Variants in KNDC1 observed in about 807,000 individuals in gnomAD.
KNDC1 encodes the protein kinase non-catalytic C-lobe domain containing 1, also known as kinase non-catalytic C-lobe domain-containing protein 1.
Under a neutral mutation model 172.8 loss-of-function variants are expected in KNDC1, and 106 were observed. The ratio of observed to expected loss-of-function variants is 0.61; its 90% confidence interval spans 0.52 to 0.72. The LOEUF is 0.72. Among genes scored for constraint, KNDC1 ranks in the 30% least tolerant of loss-of-function variants. KNDC1 has a pLI of 0.00. For synonymous variants in KNDC1, 1,083 were observed against 1,062.2 expected (o/e 1.02, Z -0.38); for missense variants, 2,325 against 2,394.5 (o/e 0.97, Z 0.61).
At chr10:133,170,645 T>C (rs1345969497) in intron 3 of KNDC1, among the ~76,000 whole-genome samples, 2 of 152,236 alleles carry the variant, frequency 1.3e-5, no homozygotes, top group African/African-American at 4.8e-5. Context: ...CATTTAAAAA[T>C]CACAATACCC....
chr10:133,184,502 C>T (rs1210654494), intron 5 of KNDC1, among the ~76,000 whole-genome samples: 1 of 152,262 alleles, frequency 6.6e-6, no homozygotes, highest in Non-Finnish European at 1.5e-5. Context: ...GTGCCTCGTA[C>T]ACACATATTC....
intron 3 of KNDC1, among the ~76,000 whole-genome samples, chr10:133,180,295 T>C (rs960350591): frequency 2.2e-4 from 34 of 152,220 alleles, no homozygotes; most frequent in Admixed American, 2.2e-3. Context: ...GCTCCCTGCA[T>C]CGGTGCAAGG....
At chr10:133,183,161 G>A (rs1054187524) in intron 3 of KNDC1, among the ~76,000 whole-genome samples, 183 bp from the exon 4 acceptor site, 3 of 150,538 alleles carry the variant, frequency 2.0e-5, no homozygotes, top group Admixed American at 6.6e-5. Flanking sequence ...CGCGGGCGGC[G>A]AGGGTGCCAG....
Position 133,219,047 on chromosome 10 carries a change from C to T in KNDC1, c.4817C>T (p.Pro1606Leu). 1.2e-6 allele frequency: 2 copies of T among 1,614,016 alleles called. No individual in the cohort carries two copies. Among genetic ancestry groups the T allele is most frequent in the East Asian group, 2.2e-5 (1 of 44,878 alleles). The change falls in exon 28 of 30, where the codon CCT becomes CTT. Residue 1606 changes from proline to leucine, a missense_variant. Coordinates refer to ENST00000304613, the MANE Select transcript of KNDC1 (RefSeq NM_152643.8). Reference protein sequence around the residue: ...VRQSPAWRILPAKIAEVMEEL... With the variant: ...VRQSPAWRILLAKIAEVMEEL... ...TCATTTCAGGCCTGGAGAATTCTGC[C>T]TGCAAAGATAGCAGAGGTCATGGAG...
chr10:133,166,939 TGTGAGTGTC>T (rs1331972714), intron 1 of KNDC1, among the ~76,000 whole-genome samples: 1 of 152,192 alleles, frequency 6.6e-6, no homozygotes, highest in Admixed American at 6.5e-5. Context: ...TTGTAAGTCA[TGTGAGTGTC>T]AGGATCACGC....
In KNDC1 at chr10:133,224,180, G is replaced by A. The variant is rs1260836455; in HGVS notation, c.5019-479G>A. On this transcript the variant is annotated intron_variant, in intron 29 of 29. Transcript: ENST00000304613. This position sits in a 1 kb window ranked among gnomAD's most constrained non-coding sequence, Gnocchi z 5.4. ...TCAGTGTCCCCAGGCCTGGCTGAGG[G>A]CTCCTGCTCGTGACTGGCCAGCTTT... Among the ~76,000 whole-genome samples, 6 of 152,226 alleles carry A rather than the reference G, an allele frequency of 3.9e-5. No homozygotes were observed. The highest frequency in any genetic ancestry group is 1.2e-4 in the African/African-American group (5 of 41,444).
At chr10:133,197,366 C>T (rs772913660) in intron 11 of KNDC1, among the ~76,000 whole-genome samples, 12 of 152,144 alleles carry the variant, frequency 7.9e-5, no homozygotes, top group Non-Finnish European at 1.8e-4. Flanking sequence ...GTCCCAAGGA[C>T]GGCGGCCCAG....
chr10:133,195,675 T>G lies in KNDC1; in HGVS notation c.1588T>G (p.Cys530Gly), dbSNP rs1854169156. Residue 530 changes from cysteine to glycine, a missense_variant, in exon 10 of 30, where the codon TGT becomes GGT. Physicochemically the swap from Cys to Gly is radical, Grantham distance 159. Coordinates refer to ENST00000304613, the MANE Select transcript of KNDC1 (RefSeq NM_152643.8). ...CCCACCCGCCCAGGCCTCTGTGTACTGTGTGGCCGCCGTTCTGTGGACCGC... is the reference window on the plus strand; with the variant it reads ...CCCACCCGCCCAGGCCTCTGTGTACGGTGTGGCCGCCGTTCTGTGGACCGC... ...RLVTEKASVYCVAAVLWTAAK... is the reference protein window; with the variant it reads ...RLVTEKASVYGVAAVLWTAAK... 1.2e-6 allele frequency: 2 copies of G among 1,609,864 alleles called. No homozygotes were observed. Among genetic ancestry groups the G allele is most frequent in the Non-Finnish European group, 1.7e-6 (2 of 1,178,404 alleles).
intron 26 of KNDC1, among the ~76,000 whole-genome samples, chr10:133,216,231 G>A (rs1055786835): frequency 6.6e-6 from 1 of 152,058 alleles, no homozygotes; most frequent in African/African-American, 2.4e-5. Context: ...AGACACAAGG[G>A]CAGGAAGAAA....
chr10:133,172,507 C>T (rs756051497), intron 3 of KNDC1, among the ~76,000 whole-genome samples: 1 of 152,106 alleles, frequency 6.6e-6, no homozygotes, highest in Non-Finnish European at 1.5e-5. Context: ...AGTGGACTGG[C>T]GATTTCCCAT....
At chr10:133,213,874 G>GA in intron 25 of KNDC1, 98 bp from the exon 26 acceptor site, 1 of 1,527,106 alleles carries the variant, frequency 6.5e-7, no homozygotes, top group South Asian at 1.1e-5. Flanking sequence ...GAGCGGCCTC[G>GA]TGGCCCGACC....
chr10:133,184,020 T>TCTTA, intron 5 of KNDC1, 31 bp downstream of exon 5: 1 of 1,325,670 alleles, frequency 7.5e-7, no homozygotes, highest in Non-Finnish European at 1.1e-6. Flanking sequence ...ACGTGCATCC[T>TCTTA]CATGCACATA....
chr10:133,205,179 G>A (rs2998129), intron 17 of KNDC1, among the ~76,000 whole-genome samples: 75,512 of 152,096 alleles, frequency 0.5, 18,869 homozygotes, highest in East Asian at 0.62. Flanking sequence ...CTCTACGCCC[G>A]TGTGCCTGTC....
intron 5 of KNDC1, among the ~76,000 whole-genome samples, chr10:133,184,320 GCA>G (rs983381030): frequency 5.9e-5 from 8 of 135,664 alleles, no homozygotes; most frequent in African/African-American, 8.5e-5. Flanking sequence ...CACAACCCAT[GCA>G]CACACACCTA....
chr10:133,199,536 A>G lies in KNDC1; in HGVS notation c.2837A>G (p.Tyr946Cys), dbSNP rs750106953. ...GAISEKFCDL[Y>C]WDEKLLQNLF... Reference sequence around the variant, plus strand: ...ATTTCCGAGAAGTTCTGTGACCTGTACTGGGATGAGAAGTTGCTGCAGAAC... The same window carrying G: ...ATTTCCGAGAAGTTCTGTGACCTGTGCTGGGATGAGAAGTTGCTGCAGAAC... The change falls in exon 15 of 30, where the codon TAC becomes TGC. Residue 946 changes from tyrosine (Y) to cysteine (C), a missense_variant. Physicochemically the swap from Tyr to Cys is radical, Grantham distance 194. Transcript: ENST00000304613. 6.2e-7 allele frequency: 1 copy of G among 1,613,752 alleles called. No individual in the cohort carries two copies. Among genetic ancestry groups the G allele is most frequent in the Admixed American group, 1.7e-5 (1 of 60,002 alleles).
intron 4 of KNDC1, 48 bp downstream of exon 4, chr10:133,183,538 C>A: frequency 2.6e-6 from 4 of 1,538,386 alleles, no homozygotes; most frequent in Admixed American, 1.9e-5. Flanking sequence ...CCTGACCCCA[C>A]AGGCCTGGAC....
At chr10:133,179,344 CG>C (rs1367409289) in intron 3 of KNDC1, 1 of 152,180 alleles carries the variant, frequency 6.6e-6, no homozygotes, top group Non-Finnish European at 1.5e-5. Context: ...TCCTGAGGCC[CG>C]GGCTGTGGTG....
chr10:133,187,607 C>A (rs1853956462), intron 6 of KNDC1, among the ~76,000 whole-genome samples: 1 of 152,188 alleles, frequency 6.6e-6, no homozygotes, highest in Admixed American at 6.5e-5. Flanking sequence ...TTCCCACGCA[C>A]AACAGCCTAC....
intron 29 of KNDC1, among the ~76,000 whole-genome samples, chr10:133,221,549 A>C (rs1409941804): frequency 6.6e-6 from 1 of 151,972 alleles, no homozygotes; most frequent in African/African-American, 2.4e-5. Flanking sequence ...GCCGTTGTCC[A>C]CACACGGTCA....
Sources: allele counts gnomAD v4.1 joint callset (sites outside exome capture counted in the v4.1 genomes callset), GRCh38; gene constraint gnomAD v4.1.1; non-coding constraint Gnocchi (gnomAD v3.1); transcripts MANE v1.5; gene names NCBI Gene and HGNC (gene_info 2026-07-23, HGNC 2026-07-21).